Variants in DOCK8 observed in about 807,000 individuals in gnomAD.
DOCK8 encodes dedicator of cytokinesis 8, also known as dedicator of cytokinesis protein 8.
In DOCK8, 141 loss-of-function variants were observed where a neutral mutation model predicts 245.6. The observed-to-expected ratio is 0.57, with a 90% CI of 0.50 to 0.66. The LOEUF (loss-of-function observed/expected upper bound fraction) is 0.66. DOCK8 is among the 30% of genes least tolerant of loss of function. DOCK8 has a pLI of 0.00. For missense variants in DOCK8, 2,965 were observed against 2,603.4 expected, an observed-to-expected ratio of 1.14 and a Z score of -3.02; for synonymous variants, 1,168 against 970.2, an observed-to-expected ratio of 1.20 and a Z score of -3.79.
At chr9:251,329 TA>T (rs2047640154) in intron 1 of DOCK8, among the ~76,000 whole-genome samples, 2 of 152,226 alleles carry the variant, frequency 1.3e-5, no homozygotes. Flanking sequence ...TTAAATCTTT[TA>T]CCCATTGCTA....
chr9:445,144 A>G (rs1254569222), intron 43 of DOCK8, among the ~76,000 whole-genome samples: 1 of 152,220 alleles, frequency 6.6e-6, no homozygotes, highest in Non-Finnish European at 1.5e-5. Context: ...ATCTTCAGAC[A>G]CACATGTCTG....
At chr9:212,390 T>C (rs563055487), upstream of DOCK8, among the ~76,000 whole-genome samples, 6 of 152,044 alleles carry the variant, frequency 3.9e-5, 1 homozygote, top group African/African-American at 1.4e-4. Context: ...GACACAAAGA[T>C]ACGGAGAAAG....
At chr9:325,099 TAAC>T (rs896105171) in intron 7 of DOCK8, among the ~76,000 whole-genome samples, 1 of 150,438 alleles carries the variant, frequency 6.6e-6, no homozygotes, top group Non-Finnish European at 1.5e-5. Flanking sequence ...TCACTCAGAA[TAAC>T]AACCCCCGGC....
At chr9:430,709 A>T (rs1301188490) in intron 36 of DOCK8, among the ~76,000 whole-genome samples, 1 of 151,840 alleles carries the variant, frequency 6.6e-6, no homozygotes, top group African/African-American at 2.4e-5. Flanking sequence ...AGAGTATTTT[A>T]GATTAAAAGT....
intron 14 of DOCK8, among the ~76,000 whole-genome samples, chr9:351,765 A>G (rs2052180887): frequency 6.6e-6 from 1 of 152,220 alleles, no homozygotes; most frequent in African/African-American, 2.4e-5. Context: ...GATGGTGATG[A>G]TGCTTTCTGG....
chr9:305,285 CTT>C (rs1195314904), intron 5 of DOCK8, among the ~76,000 whole-genome samples: 2 of 145,454 alleles, frequency 1.4e-5, no homozygotes, highest in Non-Finnish European at 1.5e-5. Context: ...TATTCTTTTT[CTT>C]TTTTTTTTTT....
intron 32 of DOCK8, 34 bp downstream of exon 32, chr9:421,112 A>G: frequency 6.2e-7 from 1 of 1,613,312 alleles, no homozygotes; most frequent in Non-Finnish European, 8.5e-7. Flanking sequence ...GCTCTCTGTC[A>G]AGCAGTTTTT....
At position 446,362 on chromosome 9, in the gene DOCK8, C is replaced by A. The variant is rs530532353; in HGVS notation, c.5581-8C>A. The stretch of plus-strand genomic sequence containing the variant: ...TCATCTTCTCCCTCCGTGCCTTTTC[C>A]CCCTTAGGCCTACATACAGATCACT... On this transcript the variant is annotated splice_region_variant and splice_polypyrimidine_tract_variant and intron_variant, in intron 43 of 47. Transcript: ENST00000432829. 9 of 1,612,460 alleles carry A rather than the reference C, an allele frequency of 5.6e-6. No individual in the cohort carries two copies. The East Asian group carries it at 1.8e-4, about 32-fold the overall frequency.
intron 23 of DOCK8, among the ~76,000 whole-genome samples, chr9:388,222 C>A (rs1295404645): frequency 6.6e-6 from 1 of 152,162 alleles, no homozygotes; most frequent in African/African-American, 2.4e-5. Flanking sequence ...GTTAGACCAC[C>A]TGCTAGACTA....
chr9:217,953 C>G (rs1454938578), intron 1 of DOCK8, among the ~76,000 whole-genome samples: 1 of 152,052 alleles, frequency 6.6e-6, no homozygotes, highest in Non-Finnish European at 1.5e-5. Context: ...GCATATGTAT[C>G]CCAAGAATTT....
At chr9:441,051 C>T (rs190333609) in intron 40 of DOCK8, among the ~76,000 whole-genome samples, 90 of 152,052 alleles carry the variant, frequency 5.9e-4, no homozygotes, top group Non-Finnish European at 4.1e-4. Flanking sequence ...TTTTTTCCCC[C>T]GAAAGCTCTT....
rs2131843423 is a variant in DOCK8 at position 446,474 on chromosome 9, C to T, written c.5685C>T (p.Tyr1895=). The change falls in exon 44 of 48, where the codon TAC becomes TAT. Residue 1895 remains tyrosine, a synonymous_variant. Transcript: ENST00000432829. ...ATTTCAACCTCCGGAGGTTCATGTA[C>T]ACCACCCCGTTCACCCTGGAGGGGC... The part of the protein sequence containing the change: ...EKNFNLRRFM[Y]TTPFTLEGRP... The T allele has an allele frequency of 1.9e-6, 3 of 1,614,190 alleles. No individual in the cohort carries two copies. The highest frequency in any genetic ancestry group is 4.5e-5 in the East Asian group (2 of 44,890).
At chr9:400,523 A>C (rs1206878032) in intron 26 of DOCK8, among the ~76,000 whole-genome samples, 1 of 61,022 alleles carries the variant, frequency 1.6e-5, no homozygotes, top group East Asian at 5.0e-4. Context: ...CACCACCTCC[A>C]CCATCACCAC....
intron 1 of DOCK8, among the ~76,000 whole-genome samples, chr9:234,916 C>A (rs1366591016): frequency 6.6e-6 from 1 of 152,184 alleles, no homozygotes; most frequent in African/African-American, 2.4e-5. Flanking sequence ...CATTCTCCAT[C>A]CAGCTTTGTT....
chr9:363,798 C>A (rs879918391), intron 14 of DOCK8, among the ~76,000 whole-genome samples: 5 of 152,002 alleles, frequency 3.3e-5, no homozygotes, highest in Admixed American at 1.3e-4. Flanking sequence ...GGTGAGCAAC[C>A]CCTTTGGAAG....
chr9:302,149 G>C (rs114076566), intron 4 of DOCK8, among the ~76,000 whole-genome samples: 2,146 of 152,280 alleles, frequency 0.014, 61 homozygotes, highest in African/African-American at 0.05. Context: ...TACAAAAACA[G>C]ACACGTAGAC....
intron 36 of DOCK8, 123 bp downstream of exon 36, chr9:429,977 G>A: frequency 8.3e-7 from 1 of 1,210,350 alleles, no homozygotes; most frequent in Non-Finnish European, 1.2e-6. Flanking sequence ...CTGTGAGAAA[G>A]AAACAATTGA....
intron 8 of DOCK8, among the ~76,000 whole-genome samples, chr9:326,232 G>A (rs2050762883): frequency 6.6e-6 from 1 of 152,182 alleles, no homozygotes; most frequent in African/African-American, 2.4e-5. Context: ...TAGTCATTTT[G>A]TGACTCCTAG....
chr9:255,861 C>A (rs766684348), intron 1 of DOCK8, among the ~76,000 whole-genome samples: 1 of 151,878 alleles, frequency 6.6e-6, no homozygotes, highest in African/African-American at 2.4e-5. Flanking sequence ...ATACCTCTTC[C>A]CCTCAAAATT....
Sources: allele counts gnomAD v4.1 joint callset (sites outside exome capture counted in the v4.1 genomes callset), GRCh38; gene constraint gnomAD v4.1.1; transcripts MANE v1.5; gene names NCBI Gene and HGNC (gene_info 2026-07-23, HGNC 2026-07-21).